Variants in POR observed in about 807,000 individuals in gnomAD.
POR encodes NADPH--cytochrome P450 reductase.
In POR, 56 loss-of-function variants were observed where a neutral mutation model predicts 84.0. That is an observed-to-expected ratio of 0.67 (90% CI 0.54 to 0.83). POR has a LOEUF of 0.83. Among genes scored for constraint, POR ranks in the 40% least tolerant of loss-of-function variants. The pLI, the probability that POR is intolerant of heterozygous loss-of-function variation, is 0.00. For missense variants in POR, 938 were observed against 944.3 expected (o/e 0.99, Z 0.09); for synonymous variants, 414 against 400.5 (o/e 1.03, Z -0.40).
intron 3 of POR, among the ~76,000 whole-genome samples, chr7:75,975,389 C>T (rs1342572289): frequency 2.0e-5 from 3 of 152,136 alleles, no homozygotes; most frequent in Non-Finnish European, 2.9e-5. Context: ...CCTGTAATCC[C>T]AACACTTTGG....
Position 75,986,317 on chromosome 7 carries a change from C to T in POR, c.1899-20C>T, listed in dbSNP as rs368888442. ...CTGCCACAGTTGGCCCAGCCCCCAG[C>T]ACCCCCTCTTCCTGCCCAGGGATGC... On this transcript the variant is annotated intron_variant, in intron 15 of 15. Coordinates refer to ENST00000461988, the MANE Select transcript of POR (RefSeq NM_000941.3). 6.9e-5 allele frequency: 111 copies of T among 1,612,282 alleles called. No individual in the cohort carries two copies. Among genetic ancestry groups the T allele is most frequent in the Non-Finnish European group, 8.4e-5 (99 of 1,179,768 alleles).
chr7:75,981,285 A>G, intron 6 of POR, 113 bp downstream of exon 6: 1 of 1,417,960 alleles, frequency 7.1e-7, no homozygotes, highest in Admixed American at 2.6e-5. Flanking sequence ...ACGCACCTCC[A>G]ACACAGAGGG....
At chr7:75,928,450 G>A (rs782615819) in intron 1 of POR, among the ~76,000 whole-genome samples, 9 of 152,170 alleles carry the variant, frequency 5.9e-5, no homozygotes, top group Non-Finnish European at 1.3e-4. Context: ...AGTTAACTTC[G>A]GGTAATGGCC....
chr7:75,953,817 CTG>C lies in POR; in HGVS notation c.-4-169_-4-168del, dbSNP rs538216214. 2.8e-4 allele frequency among the ~76,000 whole-genome samples: 43 copies of C among 152,316 alleles called. 1 individual carries two copies. In the East Asian group the frequency reaches 7.2e-3, roughly 25 times the overall value. ...CTGTTATGTCAGCCCCAGTCCAAGA[CTG>C]TGGCTGTCTTGGCAGGAACCTGGCT... On this transcript the variant is annotated intron_variant, in intron 1 of 15. Coordinates refer to ENST00000461988, the MANE Select transcript of POR (RefSeq NM_000941.3).
chr7:75,933,136 A>G (rs781910985), intron 1 of POR, among the ~76,000 whole-genome samples: 12 of 152,088 alleles, frequency 7.9e-5, no homozygotes, highest in African/African-American at 1.2e-4. Context: ...GTTTTAAAAT[A>G]TAGCACATTT....
chr7:75,928,638 C>T (rs1289296152), intron 1 of POR, among the ~76,000 whole-genome samples: 3 of 152,190 alleles, frequency 2.0e-5, no homozygotes, highest in Non-Finnish European at 2.9e-5. Flanking sequence ...AAGGGCCTAG[C>T]GGAGTCACCC....
At chr7:75,935,620 TGTG>T (rs1411256511) in intron 1 of POR, among the ~76,000 whole-genome samples, 27 of 6,464 alleles carry the variant, frequency 4.2e-3, no homozygotes, top group African/African-American at 0.019. Context: ...GCTCGGGGCT[TGTG>T]TGTGTGTGTG....
At chr7:75,918,860 T>TG (rs1434590011) in intron 1 of POR, among the ~76,000 whole-genome samples, 2 of 151,996 alleles carry the variant, frequency 1.3e-5, no homozygotes, top group African/African-American at 4.8e-5. Flanking sequence ...ACACCAGCTC[T>TG]GGGGGGCATG....
rs1807226473 is a variant in POR, at chr7:75,927,993, A to G, written c.-5+12814A>G. Reference sequence around the variant, plus strand: ...CTTTTTTTTTTTTTTTTTTTTTGAGACGGAGTCTTGCTGTGTTGCCCAGGC... The same window carrying G: ...CTTTTTTTTTTTTTTTTTTTTTGAGGCGGAGTCTTGCTGTGTTGCCCAGGC... On this transcript the variant is annotated intron_variant, in intron 1 of 15. Transcript: ENST00000461988. Among the ~76,000 whole-genome samples, 4 of 119,002 alleles carry G rather than the reference A, an allele frequency of 3.4e-5. No individual in the cohort carries two copies. In the South Asian group the frequency reaches 7.7e-4, roughly 23 times the overall value. 78.1% of individuals were successfully genotyped at this position (119,002 alleles called of 152,430 possible). A position where few individuals can be genotyped will look rare whatever the true frequency, so the allele number is the denominator to read the frequency against.
chr7:75,983,197 C>A, intron 8 of POR: 1 of 251,676 alleles, frequency 4.0e-6, no homozygotes, highest in Non-Finnish European at 7.7e-6. Flanking sequence ...AAAAGTTAAC[C>A]AGGCATGGTG....
At chr7:75,982,088 G>A (rs1211175781) in intron 7 of POR, 136 bp from the exon 8 acceptor site, 6 of 684,474 alleles carry the variant, frequency 8.8e-6, no homozygotes, top group Non-Finnish European at 1.3e-5. Context: ...TGCAGCAGGG[G>A]CTCCCCTGCT....
At position 75,982,063 on chromosome 7, in the gene POR, C is replaced by T. The variant is rs41299511; in HGVS notation, c.732-161C>T. The T allele has an allele frequency of 7.4e-4, 474 of 643,402 alleles. 2 individuals carry two copies. In the African/African-American group the frequency reaches 7.7e-3, roughly 11 times the overall value. The allele number at this position is 643,402 out of a possible 1,614,324, so 39.9% of individuals were successfully genotyped here. ...GCCTCCCTCCTTGCTCCCTCGCCTG[C>T]CCTCCTTGTGCATCTGCAGCAGGGG... On this transcript the variant is annotated intron_variant, in intron 7 of 15. Transcript: ENST00000461988.
In POR at chr7:75,915,518, C is replaced by A. The variant is rs535363666; in HGVS notation, c.-5+339C>A. The A allele has an allele frequency of 2.6e-5, 4 of 152,500 alleles. No individual in the cohort carries two copies. The East Asian group carries it at 5.8e-4, about 22-fold the overall frequency. 9.4% of individuals were successfully genotyped at this position (152,500 alleles called of 1,614,324 possible). A position where few individuals can be genotyped will look rare whatever the true frequency, so the allele number is the denominator to read the frequency against. ...GTCCAGTCCCCGCGCCGCCGCCCCC[C>A]ACGGGCTAAGCCACTTTAACTCTCC... On this transcript the variant is annotated intron_variant, in intron 1 of 15. Coordinates refer to ENST00000461988, the MANE Select transcript of POR (RefSeq NM_000941.3).
chr7:75,984,752 A>C (rs375956892), intron 10 of POR, 25 bp from the exon 11 acceptor site: 6 of 1,609,676 alleles, frequency 3.7e-6, no homozygotes, highest in Non-Finnish European at 5.1e-6. Flanking sequence ...GCCTACCCCA[A>C]GTCCTGCCTG....
chr7:75,949,136 C>T (rs1787306096), intron 1 of POR, among the ~76,000 whole-genome samples: 1 of 149,664 alleles, frequency 6.7e-6, no homozygotes, highest in Non-Finnish European at 1.5e-5. Flanking sequence ...GACTTCAGGG[C>T]TTTGTTGTTG....
rs782025632 is a variant in POR at position 75,986,712 on chromosome 7, T to G, written c.*231T>G. ...GCATGGGGGCACCGGGCTCCATGCC[T>G]CTGGAGGCCTCTGGCCCTCGGTGGC... On this transcript the variant is annotated 3_prime_UTR_variant, in exon 16 of 16. Transcript: ENST00000461988. The G allele has an allele frequency of 4.6e-5, 28 of 602,858 alleles. No individual in the cohort carries two copies. The highest frequency in any genetic ancestry group is 7.3e-5 in the Non-Finnish European group (25 of 343,410). 37.3% of individuals were successfully genotyped at this position (602,858 alleles called of 1,614,324 possible).
intron 1 of POR, among the ~76,000 whole-genome samples, chr7:75,937,471 CAAAAAA>C (rs782343328): frequency 2.8e-3 from 57 of 20,140 alleles, no homozygotes; most frequent in Non-Finnish European, 4.5e-3. Context: ...GACCCTGTCT[CAAAAAA>C]AAAAAAAAAA....
At chr7:75,920,453 TGAG>T (rs1764228655) in intron 1 of POR, among the ~76,000 whole-genome samples, 1 of 152,162 alleles carries the variant, frequency 6.6e-6, no homozygotes, top group Non-Finnish European at 1.5e-5. Flanking sequence ...GATGTAGTAA[TGAG>T]GAGGAAGATG....
chr7:75,961,771 C>G (rs782626076), intron 2 of POR, among the ~76,000 whole-genome samples: 1 of 152,146 alleles, frequency 6.6e-6, no homozygotes, highest in South Asian at 2.1e-4. Context: ...CCCAGCACTT[C>G]GGGAGGCTGA....
Sources: gnomAD v4.1 joint callset for allele counts (sites outside exome capture counted in the v4.1 genomes callset) on GRCh38, gnomAD v4.1.1 for gene constraint, MANE v1.5 for transcripts, NCBI Gene and HGNC (gene_info 2026-07-23, HGNC 2026-07-21) for gene names.